PPP3CA: variants seen among roughly 807,000 people sequenced by gnomAD.
The protein encoded by PPP3CA is protein phosphatase 3 catalytic subunit alpha.
Under a neutral mutation model 66.5 loss-of-function variants are expected in PPP3CA, and 14 were observed. The observed-to-expected ratio is 0.21, with a 90% CI of 0.14 to 0.33. The LOEUF is 0.33. Among genes scored for constraint, PPP3CA ranks in the 10% least tolerant of loss-of-function variants. The pLI is 1.00. For synonymous variants in PPP3CA, 232 were observed against 226.2 expected (o/e 1.03, Z -0.23); for missense variants, 317 against 639.5 (o/e 0.50, Z 5.44).
chr4:101,151,652 C>CTTTTTTTTT (rs369745312), intron 2 of PPP3CA, among the ~76,000 whole-genome samples: 5 of 84,824 alleles, frequency 5.9e-5, no homozygotes, highest in Non-Finnish European at 8.2e-5. Context: ...CCAAGGTTTC[C>CTTTTTTTTT]TTTTTTTTTT....
At chr4:101,079,399 G>A (rs960729954) in intron 8 of PPP3CA, among the ~76,000 whole-genome samples, 1 of 139,020 alleles carries the variant, frequency 7.2e-6, no homozygotes, top group African/African-American at 2.7e-5. Context: ...TTTTTTTTGA[G>A]ATGGAGTCTC....
At chr4:101,058,905 T>C (rs1728342171) in intron 10 of PPP3CA, among the ~76,000 whole-genome samples, 2 of 152,162 alleles carry the variant, frequency 1.3e-5, no homozygotes, top group Admixed American at 6.6e-5. Flanking sequence ...TACAAACATA[T>C]GTAGGTCTAC....
intron 1 of PPP3CA, among the ~76,000 whole-genome samples, chr4:101,315,600 T>C (rs1180318623): frequency 6.6e-6 from 1 of 152,216 alleles, no homozygotes. Context: ...TCCTATTCAC[T>C]GAGAATGGTA....
chr4:101,030,984 A>G (rs1232752216), intron 12 of PPP3CA, among the ~76,000 whole-genome samples: 3 of 151,884 alleles, frequency 2.0e-5, no homozygotes, highest in African/African-American at 7.2e-5. Flanking sequence ...AGTTGTTAAA[A>G]TAATTCCTAG....
chr4:101,325,154 G>A (rs1729172432), intron 1 of PPP3CA, among the ~76,000 whole-genome samples: 1 of 152,186 alleles, frequency 6.6e-6, no homozygotes, highest in African/African-American at 2.4e-5. Flanking sequence ...GGCATTGGTA[G>A]CTTTAAAAGT....
At chr4:101,156,008 A>G (rs1723307518) in intron 2 of PPP3CA, among the ~76,000 whole-genome samples, 1 of 152,208 alleles carries the variant, frequency 6.6e-6, no homozygotes, top group Non-Finnish European at 1.5e-5. Flanking sequence ...GCATTTAGAG[A>G]TACGGAAACT....
chr4:101,117,698 A>G (rs1721888806), intron 2 of PPP3CA, among the ~76,000 whole-genome samples: 1 of 151,744 alleles, frequency 6.6e-6, no homozygotes, highest in African/African-American at 2.4e-5. Flanking sequence ...AATTACAAGT[A>G]AGTATGTATA....
Position 101,025,892 on chromosome 4 carries a change from A to C in PPP3CA, c.1539T>G (p.Asn513Lys). 1 of 1,597,196 alleles carries C rather than the reference A, an allele frequency of 6.3e-7. No individual in the cohort carries two copies. ...LTSETNGTDS[N>K]GSNSSNIQ ...ACTGAATATTGCTGCTATTACTGCC[A>C]TTGCTGTCCGTGCCGTTAGTCTCTG... The change falls in exon 14 of 14, where the codon AAT becomes AAG. Residue 513 changes from asparagine (N) to lysine (K), a missense_variant. Physicochemically the swap from Asn to Lys is moderately conservative, Grantham distance 94. Coordinates refer to ENST00000394854, the MANE Select transcript of PPP3CA (RefSeq NM_000944.5).
chr4:101,205,344 A>G (rs1725097383), intron 1 of PPP3CA, among the ~76,000 whole-genome samples: 1 of 152,166 alleles, frequency 6.6e-6, no homozygotes, highest in African/African-American at 2.4e-5. Flanking sequence ...ATTTATAATT[A>G]AGCTCTGGGG....
intron 2 of PPP3CA, among the ~76,000 whole-genome samples, chr4:101,184,337 G>A (rs1578530662): frequency 6.6e-6 from 1 of 152,144 alleles, no homozygotes; most frequent in African/African-American, 2.4e-5. Flanking sequence ...CTTGATTCCT[G>A]CGGCTGCATT....
chr4:101,123,796 CTA>C lies in PPP3CA; in HGVS notation c.260-14720_260-14719del, dbSNP rs1426308875. 4.6e-5 allele frequency among the ~76,000 whole-genome samples: 7 copies of C among 152,310 alleles called. No homozygotes were observed. The South Asian group carries it at 6.2e-4, about 14-fold the overall frequency. On this transcript the variant is annotated intron_variant, in intron 2 of 13. Transcript: ENST00000394854. ...AAGAAAAATGGGCAACAGAAAGACT[CTA>C]TCTTGCTTCTGGCAAGTAATTATAC...
intron 11 of PPP3CA, among the ~76,000 whole-genome samples, chr4:101,033,246 A>G (rs1225206875): frequency 6.6e-6 from 1 of 151,890 alleles, no homozygotes; most frequent in East Asian, 1.9e-4. Context: ...AAACATACAT[A>G]TATTTGCGTG....
chr4:101,337,639 G>A (rs1017564531), intron 1 of PPP3CA, among the ~76,000 whole-genome samples: 2 of 152,182 alleles, frequency 1.3e-5, no homozygotes, highest in African/African-American at 2.4e-5. Flanking sequence ...CTGTGTTAGT[G>A]AGACAAAGTA....
chr4:101,218,565 C>T (rs1445371678), intron 1 of PPP3CA, among the ~76,000 whole-genome samples: 1 of 151,806 alleles, frequency 6.6e-6, no homozygotes, highest in Non-Finnish European at 1.5e-5. Flanking sequence ...TTCACAAACA[C>T]TAGGAAAGCT....
Position 101,182,511 on chromosome 4 carries a change from CAGAT to C in PPP3CA, c.259+13401_259+13404del, listed in dbSNP as rs144024563. On this transcript the variant is annotated intron_variant, in intron 2 of 13. Coordinates refer to ENST00000394854, the MANE Select transcript of PPP3CA (RefSeq NM_000944.5). ...CAACAACAAAACAGAAGGCATACCT[CAGAT>C]AGATCAAATTACTCGGATGTATCTC... Among the ~76,000 whole-genome samples the C allele has an allele frequency of 9.5e-3, 1,446 of 152,194 alleles. 22 individuals are homozygous for C. The highest frequency in any genetic ancestry group is 0.027 in the African/African-American group (1,120 of 41,516).
chr4:101,105,487 A>G (rs1453634692), intron 3 of PPP3CA, among the ~76,000 whole-genome samples: 2 of 152,178 alleles, frequency 1.3e-5, no homozygotes, highest in African/African-American at 2.4e-5. Context: ...AAAAAAAAAA[A>G]GAATTCTAAA....
intron 13 of PPP3CA, among the ~76,000 whole-genome samples, chr4:101,027,978 G>A (rs1339632189): frequency 6.6e-6 from 1 of 152,118 alleles, no homozygotes; most frequent in Non-Finnish European, 1.5e-5. Context: ...CAACAAGAAT[G>A]CACACTGCAG....
chr4:101,048,777 A>G (rs1380033270), intron 10 of PPP3CA, among the ~76,000 whole-genome samples: 1 of 152,028 alleles, frequency 6.6e-6, no homozygotes, highest in Non-Finnish European at 1.5e-5. Flanking sequence ...TTTCTTCCAT[A>G]TGTTTTTTTA....
intron 1 of PPP3CA, among the ~76,000 whole-genome samples, chr4:101,317,503 A>G (rs1401618324): frequency 6.6e-6 from 1 of 152,144 alleles, no homozygotes; most frequent in Non-Finnish European, 1.5e-5. Flanking sequence ...GTGTTTTAGT[A>G]TATTTTATCA....
Sources: gnomAD v4.1 joint callset for allele counts (sites outside exome capture counted in the v4.1 genomes callset) on GRCh38, gnomAD v4.1.1 for gene constraint, MANE v1.5 for transcripts, NCBI Gene and HGNC (gene_info 2026-07-23, HGNC 2026-07-21) for gene names.